The following USP49 variants were observed in gnomAD, a reference collection of about 807,000 sequenced individuals.
USP49 encodes the protein ubiquitin carboxyl-terminal hydrolase 49.
A neutral mutation model predicts 58.6 loss-of-function variants in USP49; 24 were observed. The ratio of observed to expected loss-of-function variants is 0.41; its 90% CI spans 0.30 to 0.58. The LOEUF is 0.58. Ranked by LOEUF, USP49 falls within the 20% of genes least tolerant of loss-of-function variation. USP49 has a pLI of 0.30. For missense variants in USP49, 703 were observed against 866.1 expected (o/e 0.81, Z 2.36); for synonymous variants, 408 against 365.1 (o/e 1.12, Z -1.34).
intron 3 of USP49, among the ~76,000 whole-genome samples, chr6:41,870,480 A>G (rs140972877): frequency 1.4e-3 from 208 of 152,354 alleles, no homozygotes; most frequent in African/African-American, 4.7e-3. Flanking sequence ...ATAAACTTGC[A>G]TAATTAAAAA....
At position 41,795,702 on chromosome 6, in the gene USP49, T is replaced by G. The variant is rs1199441430; in HGVS notation, c.*831A>C. ...GTTCTGAGAAAACCTAAGAATCAAT[T>G]TAAACCAAACCATGTGCTTGCCCTA... On this transcript the variant is annotated 3_prime_UTR_variant, in exon 8 of 8. Coordinates refer to ENST00000682992, the MANE Select transcript of USP49 (RefSeq NM_001286554.2). The G allele has an allele frequency of 6.6e-6, 1 of 152,196 alleles. No homozygotes were observed. The highest frequency in any genetic ancestry group is 1.5e-5 in the Non-Finnish European group (1 of 68,046). 9.4% of individuals were successfully genotyped at this position (152,196 alleles called of 1,614,324 possible). A position where few individuals can be genotyped will look rare whatever the true frequency, so the allele number is the denominator to read the frequency against.
chr6:41,881,321 C>G (rs1201057403), intron 2 of USP49, among the ~76,000 whole-genome samples: 1 of 48,776 alleles, frequency 2.1e-5, no homozygotes, highest in Non-Finnish European at 3.8e-5. Context: ...AAAAAAAAAG[C>G]CCAGCTAGAA....
At chr6:41,872,905 C>CA (rs112566902) in intron 2 of USP49, 3,251 of 98,854 alleles carry the variant, frequency 0.033, 57 homozygotes, top group South Asian at 0.084. Flanking sequence ...GACTCCACCT[C>CA]AAAAAAAAAA....
chr6:41,878,352 G>A (rs558938567), intron 2 of USP49, among the ~76,000 whole-genome samples: 34 of 152,070 alleles, frequency 2.2e-4, no homozygotes, highest in Non-Finnish European at 3.8e-4. Context: ...AGCTTAATAA[G>A]AACTAAAGGA....
At chr6:41,827,694 AAAATT>A (rs1324084645) in intron 3 of USP49, among the ~76,000 whole-genome samples, 1,885 of 151,538 alleles carry the variant, frequency 0.012, 38 homozygotes, top group African/African-American at 0.043. Flanking sequence ...AAAAAAAAAA[AAAATT>A]TGCCTGGGTC....
In USP49 at chr6:41,798,564, C is replaced by T. The variant is rs1050912673; in HGVS notation, c.1876+160G>A. 241 of 1,538,556 alleles carry T rather than the reference C, an allele frequency of 1.6e-4. 1 individual carries two copies. Among genetic ancestry groups the T allele is most frequent in the East Asian group, 2.0e-4 (9 of 43,952 alleles). ...GCGCTAGGATTACAGGTGTGAGCCA[C>T]GGCGCCCAACCCAATTTTCACAATT... On this transcript the variant is annotated intron_variant, in intron 7 of 7. Coordinates refer to ENST00000682992, the MANE Select transcript of USP49 (RefSeq NM_001286554.2).
chr6:41,815,640 C>A lies in USP49; in HGVS notation c.-28-8629G>T, dbSNP rs79097430. Among the ~76,000 whole-genome samples the A allele has an allele frequency of 3.8e-3, 584 of 152,106 alleles. 15 individuals are homozygous for A. The East Asian group carries it at 0.071, about 19-fold the overall frequency. On this transcript the variant is annotated intron_variant, in intron 3 of 7. Transcript: ENST00000682992. ...ATAAGTCATAGTGCAGTTCAAAGAC[C>A]CCCTGGAGAGGCTGAATTCTCTAAG...
intron 3 of USP49, among the ~76,000 whole-genome samples, chr6:41,865,816 T>C (rs1367335552): frequency 6.7e-6 from 1 of 149,002 alleles, no homozygotes; most frequent in Middle Eastern, 3.2e-3. Flanking sequence ...TTTTTTTTTT[T>C]TTTTTCCCCC....
At chr6:41,833,307 C>T (rs1196388583) in intron 3 of USP49, among the ~76,000 whole-genome samples, 2 of 151,334 alleles carry the variant, frequency 1.3e-5, no homozygotes, top group East Asian at 2.1e-4. Context: ...TGAGCCACCA[C>T]GCCCGGCCTT....
At chr6:41,797,743 G>A (rs1005345359) in intron 7 of USP49, 1 of 985,854 alleles carries the variant, frequency 1.0e-6, no homozygotes, top group Non-Finnish European at 1.2e-6. Flanking sequence ...AACCAAGAAG[G>A]AAACTGGGGT....
Position 41,796,341 on chromosome 6 carries a change from G to A in USP49, c.*192C>T. 2.0e-6 allele frequency: 1 copy of A among 508,814 alleles called. No homozygotes were observed. The highest frequency in any genetic ancestry group is 3.6e-5 in the South Asian group (1 of 27,840). The allele number at this position is 508,814 out of a possible 1,614,324, so 31.5% of individuals were successfully genotyped here. Reference sequence around the variant, plus strand: ...ACTTCTTTTGTTTTTAGGAAAGGAGGGAACTCCCAAACTCATTCAAAAGAA... The same window carrying A: ...ACTTCTTTTGTTTTTAGGAAAGGAGAGAACTCCCAAACTCATTCAAAAGAA... On this transcript the variant is annotated 3_prime_UTR_variant, in exon 8 of 8. Coordinates refer to ENST00000682992, the MANE Select transcript of USP49 (RefSeq NM_001286554.2).
intron 3 of USP49, among the ~76,000 whole-genome samples, chr6:41,866,218 C>T (rs1774317146): frequency 6.6e-6 from 1 of 151,464 alleles, no homozygotes; most frequent in Admixed American, 6.6e-5. Flanking sequence ...TGCACCCGGC[C>T]CTGCATGGTG....
chr6:41,825,218 G>A (rs960793688), intron 3 of USP49, among the ~76,000 whole-genome samples: 1 of 152,140 alleles, frequency 6.6e-6, no homozygotes, highest in Admixed American at 6.5e-5. Context: ...TATTTTAAGG[G>A]AAACACCCTA....
intron 3 of USP49, among the ~76,000 whole-genome samples, chr6:41,849,145 G>T (rs1345163673): frequency 2.0e-5 from 3 of 152,156 alleles, no homozygotes; most frequent in Non-Finnish European, 4.4e-5. Context: ...ATGGTAACCA[G>T]AAGAGAGCAG....
At chr6:41,852,779 T>C (rs906122446) in intron 3 of USP49, among the ~76,000 whole-genome samples, 1 of 152,216 alleles carries the variant, frequency 6.6e-6, no homozygotes, top group Non-Finnish European at 1.5e-5. Context: ...CCAATGTTCA[T>C]AGCAGCACTA....
intron 3 of USP49, among the ~76,000 whole-genome samples, chr6:41,813,522 C>T (rs1488172996): frequency 6.6e-6 from 1 of 152,198 alleles, no homozygotes; most frequent in African/African-American, 2.4e-5. Context: ...ATTCCACATC[C>T]TCTCCATGGA....
Position 41,820,864 on chromosome 6 carries a change from A to G in USP49, c.-28-13853T>C, listed in dbSNP as rs143809813. Among the ~76,000 whole-genome samples, 1,027 of 152,174 alleles carry G rather than the reference A, an allele frequency of 6.7e-3. 12 individuals are homozygous for G. Among genetic ancestry groups the G allele is most frequent in the African/African-American group, 0.023 (966 of 41,514 alleles). The stretch of plus-strand genomic sequence containing the variant: ...AAACTACAAAAAATTATCTGGGTGT[A>G]GTGGCATGTGCCTGTAGTCCTAGCT... On this transcript the variant is annotated intron_variant, in intron 3 of 7. Transcript: ENST00000682992.
rs574959228 is a variant in USP49 at position 41,805,670 on chromosome 6, T to C, written c.1314A>G (p.Leu438=). 8 of 1,614,152 alleles carry C rather than the reference T, an allele frequency of 5.0e-6. No individual in the cohort carries two copies. In the East Asian group the frequency reaches 1.6e-4, roughly 31 times the overall value. Residue 438 remains leucine, a synonymous_variant, in exon 4 of 8, where the codon TTA becomes TTG. Coordinates refer to ENST00000682992, the MANE Select transcript of USP49 (RefSeq NM_001286554.2). ...CATGAAATATGGTATTCACCACCTTTAAGACCTGTTTGGTGAGCTTCCTCT... is the reference window on the plus strand; with the variant it reads ...CATGAAATATGGTATTCACCACCTTCAAGACCTGTTTGGTGAGCTTCCTCT... ...FSQRKLTKQV[L]KVVNTIFHGQ...
chr6:41,873,022 T>C (rs1582034182), intron 2 of USP49: 1 of 152,018 alleles, frequency 6.6e-6, no homozygotes, highest in Non-Finnish European at 1.5e-5. Context: ...CCTAGAACGG[T>C]TGTCAAGAAA....
Sources: allele counts gnomAD v4.1 joint callset (sites outside exome capture counted in the v4.1 genomes callset), GRCh38; gene constraint gnomAD v4.1.1; transcripts MANE v1.5; gene names NCBI Gene and HGNC (gene_info 2026-07-23, HGNC 2026-07-21).